FRYL: variants seen among roughly 807,000 people sequenced by gnomAD.
FRYL encodes FRY like transcription coactivator, also known as protein furry homolog-like.
FRYL carries 150 observed loss-of-function variants against 351.2 expected under a neutral mutation model. The observed-to-expected ratio is 0.43, with a 90% CI of 0.37 to 0.49. The LOEUF is 0.49. FRYL is among the 20% of genes least tolerant of loss of function. FRYL has a pLI of 0.00. For synonymous variants in FRYL, 1,153 were observed against 1,257.1 expected, an observed-to-expected ratio of 0.92 and a Z score of 1.75; for missense variants, 3,036 against 3,619.3, an observed-to-expected ratio of 0.84 and a Z score of 4.13.
intron 1 of FRYL, among the ~76,000 whole-genome samples, chr4:48,777,089 C>T (rs1776101903): frequency 6.6e-6 from 1 of 152,146 alleles, no homozygotes. Context: ...TCCAGTTCTA[C>T]TTTATCTCCA....
chr4:48,649,968 A>AT (rs1372225822), intron 3 of FRYL, among the ~76,000 whole-genome samples: 1 of 152,036 alleles, frequency 6.6e-6, no homozygotes, highest in East Asian at 1.9e-4. Flanking sequence ...CAACCCATAG[A>AT]TTTTTTTCTT....
At chr4:48,619,239 A>T in intron 7 of FRYL, 35 bp downstream of exon 7, 1 of 1,298,350 alleles carries the variant, frequency 7.7e-7, no homozygotes, top group Non-Finnish European at 1.1e-6. Flanking sequence ...GCAAAGAATA[A>T]GGAATACAGA....
At chr4:48,578,863 A>G in intron 23 of FRYL, 110 bp downstream of exon 23, 1 of 881,758 alleles carries the variant, frequency 1.1e-6, no homozygotes, top group Middle Eastern at 2.4e-4. Flanking sequence ...GCAGTATCAC[A>G]TATTATTTAT....
chr4:48,596,685 A>T (rs1397712065), intron 13 of FRYL, among the ~76,000 whole-genome samples: 2 of 152,140 alleles, frequency 1.3e-5, no homozygotes, highest in African/African-American at 2.4e-5. Flanking sequence ...TTGACTATTA[A>T]GTGTTATAAT....
chr4:48,541,691 G>A (rs530884044), intron 45 of FRYL, among the ~76,000 whole-genome samples: 187 of 152,270 alleles, frequency 1.2e-3, no homozygotes, highest in African/African-American at 4.3e-3. Flanking sequence ...AGAGGCTGCT[G>A]CAGGGAGAAG....
At chr4:48,530,167 C>G (rs1450043906) in intron 50 of FRYL, among the ~76,000 whole-genome samples, 2 of 152,090 alleles carry the variant, frequency 1.3e-5, no homozygotes, top group East Asian at 3.8e-4. Context: ...CTCATTGCCC[C>G]CTCTCCTTCC....
At chr4:48,598,254 T>A (rs765624893) in intron 13 of FRYL, among the ~76,000 whole-genome samples, 48 of 152,170 alleles carry the variant, frequency 3.2e-4, no homozygotes, top group Non-Finnish European at 6.2e-4. Context: ...GATAAACTTT[T>A]AAAAATTAAT....
intron 59 of FRYL, chr4:48,506,615 AATATATATATATATATATATATATAT>A (rs55736457): frequency 0.011 from 811 of 71,764 alleles, 35 homozygotes; most frequent in African/African-American, 0.04. Context: ...CAATACAACT[AATATATATATATATATATATATATAT>A]ATATATATAT....
chr4:48,544,464 T>C (rs902767948), intron 43 of FRYL, among the ~76,000 whole-genome samples: 4 of 152,212 alleles, frequency 2.6e-5, no homozygotes, highest in African/African-American at 4.8e-5. Context: ...CTGAAGACTA[T>C]ACCAGCACAA....
chr4:48,731,101 A>G (rs1770674735), intron 1 of FRYL, among the ~76,000 whole-genome samples: 1 of 152,218 alleles, frequency 6.6e-6, no homozygotes, highest in South Asian at 2.1e-4. Context: ...CTTTAAACCA[A>G]CAAAGACCAA....
chr4:48,764,831 A>C (rs75111749), intron 1 of FRYL, among the ~76,000 whole-genome samples: 3,732 of 152,292 alleles, frequency 0.025, 64 homozygotes, highest in Admixed American at 0.045. Context: ...GGCATTTTTC[A>C]CAGAAATAGG....
chr4:48,732,397 AC>A (rs1770821752), intron 1 of FRYL, among the ~76,000 whole-genome samples: 1 of 152,148 alleles, frequency 6.6e-6, no homozygotes, highest in Non-Finnish European at 1.5e-5. Flanking sequence ...TACTAGAAAT[AC>A]CATTTGACCC....
chr4:48,780,054 C>G (rs1196355561), intron 1 of FRYL, 24 bp downstream of exon 1: 1 of 152,202 alleles, frequency 6.6e-6, no homozygotes, highest in Admixed American at 6.5e-5. Flanking sequence ...TAAAATGAAG[C>G]GCCTTTCCCC....
At chr4:48,525,196 T>TATATATATACACAC (rs759279145) in intron 53 of FRYL, among the ~76,000 whole-genome samples, 1 of 133,056 alleles carries the variant, frequency 7.5e-6, no homozygotes, top group African/African-American at 3.0e-5. Context: ...TATATATATA[T>TATATATATACACAC]ACACACACTT....
intron 4 of FRYL, among the ~76,000 whole-genome samples, chr4:48,633,571 G>A (rs889997423): frequency 4.6e-5 from 7 of 152,106 alleles, no homozygotes; most frequent in African/African-American, 1.7e-4. Context: ...AGATATTCCT[G>A]TGTACTTTAC....
intron 2 of FRYL, among the ~76,000 whole-genome samples, chr4:48,697,913 C>A (rs1578754063): frequency 6.6e-6 from 1 of 152,126 alleles, no homozygotes; most frequent in South Asian, 2.1e-4. Context: ...TCATTAAAGA[C>A]CTGTTAGTGA....
chr4:48,627,047 G>A lies in FRYL; in HGVS notation c.121-3868C>T, dbSNP rs1172916588. Among the ~76,000 whole-genome samples the A allele has an allele frequency of 2.0e-5, 3 of 152,020 alleles. No individual in the cohort carries two copies. The East Asian group carries it at 5.8e-4, about 29-fold the overall frequency. On this transcript the variant is annotated intron_variant, in intron 4 of 63. Transcript: ENST00000358350. ...AAATCAAACTGCACACCATTCACAT[G>A]CAACATGAGGATTCTGTACAATAAT... is the stretch of plus-strand genomic sequence containing the variant.
In FRYL at chr4:48,499,742, T is replaced by A. The variant is rs1013051904; in HGVS notation, c.8784-62A>T. Reference sequence around the variant, plus strand: ...AGGCAATAGTTAAGACTAACTCAATTTAAGTTAAATACCTGTAACAACAAC... The same window carrying A: ...AGGCAATAGTTAAGACTAACTCAATATAAGTTAAATACCTGTAACAACAAC... On this transcript the variant is annotated intron_variant, in intron 63 of 63. Transcript: ENST00000358350. 1.3e-5 allele frequency: 18 copies of A among 1,438,278 alleles called. No individual in the cohort carries two copies. In the African/African-American group the frequency reaches 2.3e-4, roughly 18 times the overall value. 89.1% of individuals were successfully genotyped at this position (1,438,278 alleles called of 1,614,324 possible). A position where few individuals can be genotyped will look rare whatever the true frequency, so the allele number is the denominator to read the frequency against.
chr4:48,769,086 A>T (rs1416297205), intron 1 of FRYL, among the ~76,000 whole-genome samples: 1 of 152,148 alleles, frequency 6.6e-6, no homozygotes, highest in Non-Finnish European at 1.5e-5. Context: ...GTGAACCATG[A>T]TTGCACCACT....
Sources: gnomAD v4.1 joint callset for allele counts (sites outside exome capture counted in the v4.1 genomes callset) on GRCh38, gnomAD v4.1.1 for gene constraint, MANE v1.5 for transcripts, NCBI Gene and HGNC (gene_info 2026-07-23, HGNC 2026-07-21) for gene names.